The following KEL variants were observed in gnomAD, a reference collection of about 807,000 sequenced individuals.
The protein encoded by KEL is kell blood group glycoprotein.
A neutral mutation model predicts 99.5 loss-of-function variants in KEL; 96 were observed. That is an observed-to-expected ratio of 0.97 (90% CI 0.82 to 1.14). KEL has a LOEUF of 1.14. Ranked by LOEUF, KEL falls within the 50% of genes most tolerant of loss-of-function variation. The pLI is 0.00. For missense variants in KEL, 926 were observed against 924.2 expected (o/e 1.00, Z -0.03); for synonymous variants, 355 against 354.8 (o/e 1.00, Z -0.01).
At chr7:142,957,020 G>C (rs1315311752) in intron 6 of KEL, among the ~76,000 whole-genome samples, 1 of 152,184 alleles carries the variant, frequency 6.6e-6, no homozygotes, top group East Asian at 1.9e-4. Context: ...GATAGGTCCT[G>C]AGAAACAAAG....
chr7:142,953,727 A>G, intron 9 of KEL, 81 bp downstream of exon 9: 3 of 1,549,994 alleles, frequency 1.9e-6, no homozygotes, highest in East Asian at 4.5e-5. Context: ...GCCTTCCCCA[A>G]GGTTTCCTTT....
chr7:142,944,474 T>G (rs1045068579), intron 12 of KEL, 74 bp from the exon 13 acceptor site: 2 of 1,317,816 alleles, frequency 1.5e-6, no homozygotes, highest in African/African-American at 2.9e-5. Flanking sequence ...CTCGTTGCCC[T>G]GTCCCAGCCT....
chr7:142,944,781 G>A (rs376692598), intron 11 of KEL, 40 bp from the exon 12 acceptor site: 23 of 1,509,906 alleles, frequency 1.5e-5, no homozygotes, highest in Non-Finnish European at 2.1e-5. Context: ...ACAGGATCAG[G>A]AGAGGCCTCA....
Position 142,946,326 on chromosome 7 carries a change from A to C in KEL, c.1204-9T>G. The C allele has an allele frequency of 6.2e-7, 1 of 1,606,436 alleles. No homozygotes were observed. The highest frequency in any genetic ancestry group is 8.5e-7 in the Non-Finnish European group (1 of 1,174,424). On this transcript the variant is annotated splice_polypyrimidine_tract_variant and intron_variant, in intron 10 of 18. Transcript: ENST00000355265. Reference sequence around the variant, plus strand: ...CATCGTGGGCGGGCAGGCTATGGAGACAAAGCTGGAATGAGTGGCTCCTGT... The same window carrying C: ...CATCGTGGGCGGGCAGGCTATGGAGCCAAAGCTGGAATGAGTGGCTCCTGT...
chr7:142,946,343 G>A (rs2116649521), intron 10 of KEL, 26 bp from the exon 11 acceptor site: 1 of 1,552,110 alleles, frequency 6.4e-7, no homozygotes. Flanking sequence ...TGGAATGAGT[G>A]GCTCCTGTTC....
In KEL at chr7:142,962,168, T is replaced by C. The variant is rs867204647; in HGVS notation, c.3+36A>G. On this transcript the variant is annotated intron_variant, in intron 1 of 18. Transcript: ENST00000355265. Reference sequence around the variant, plus strand: ...TTTTGCACACAGCCACCCTCACCCCTCCCCGCTAAGCCTCTGACTCCAAAA... The same window carrying C: ...TTTTGCACACAGCCACCCTCACCCCCCCCCGCTAAGCCTCTGACTCCAAAA... 1.4e-5 allele frequency: 22 copies of C among 1,613,650 alleles called. No homozygotes were observed. The Middle Eastern group carries it at 2.3e-3, about 170-fold the overall frequency.
At position 142,961,439 on chromosome 7, in the gene KEL, C is replaced by A. The variant is rs1350031294; in HGVS notation, c.144G>T (p.Val48=). ...GGCCCAAAATCAGGATAGCTGTCAG[C>A]ACCCGCCTGGCCACTGCCCATGGCC... is the stretch of plus-strand genomic sequence containing the variant. ...GSRPWAVARR[V]LTAILILGLL... is the part of the protein sequence containing the mutation. The change falls in exon 3 of 19, where the codon GTG becomes GTT. Residue 48 remains valine, a synonymous_variant. Coordinates refer to ENST00000355265, the MANE Select transcript of KEL (RefSeq NM_000420.3). 1.2e-6 allele frequency: 2 copies of A among 1,613,170 alleles called. No individual in the cohort carries two copies. The highest frequency in any genetic ancestry group is 2.2e-5 in the East Asian group (1 of 44,852).
chr7:142,956,558 C>T (rs988080634), intron 6 of KEL, among the ~76,000 whole-genome samples: 1 of 152,052 alleles, frequency 6.6e-6, no homozygotes, highest in Non-Finnish European at 1.5e-5. Flanking sequence ...CCTTGCCTCC[C>T]AAATCCTCAA....
rs762391207 is a variant in KEL at position 142,943,323 on chromosome 7, G to A, written c.1724C>T (p.Ala575Val). ...GYPRAVNFGA[A>V]GSIMAHELLH... The stretch of plus-strand genomic sequence containing the variant: ...CAGCTCGTGGGCCATGATGCTGCCA[G>A]CAGCGCCAAAGTTCACGGCTCTAGG... Residue 575 changes from alanine (A) to valine (V), a missense_variant, in exon 16 of 19, where the codon GCT becomes GTT. Ala to Val is a moderately conservative substitution (Grantham distance 64). Transcript: ENST00000355265. 1 of 1,614,124 alleles carries A rather than the reference G, an allele frequency of 6.2e-7. No individual in the cohort carries two copies. The highest frequency in any genetic ancestry group is 8.5e-7 in the Non-Finnish European group (1 of 1,179,996).
In KEL at chr7:142,953,801, G is replaced by A. The variant is rs150812617; in HGVS notation, c.1073+7C>T. On this transcript the variant is annotated splice_region_variant and intron_variant, in intron 9 of 18. Coordinates refer to ENST00000355265, the MANE Select transcript of KEL (RefSeq NM_000420.3). ...CCATGATCTCCCCAATCCCACCTGC[G>A]GCGAACCTCTGCTTTAGCAGCATCT... 2,024 of 1,613,892 alleles carry A rather than the reference G, an allele frequency of 1.3e-3. 34 individuals carry two copies. In the South Asian group the frequency reaches 0.017, roughly 14 times the overall value.
chr7:142,956,649 G>A (rs1005019120), intron 6 of KEL, among the ~76,000 whole-genome samples: 2 of 151,770 alleles, frequency 1.3e-5, no homozygotes, highest in African/African-American at 2.4e-5. Flanking sequence ...CATTTCCAAC[G>A]CCCCATAGCT....
In KEL at chr7:142,943,814, G is replaced by C; in HGVS notation, c.1561C>G (p.Gln521Glu). The C allele has an allele frequency of 6.2e-7, 1 of 1,614,160 alleles. No homozygotes were observed. Among genetic ancestry groups the C allele is most frequent in the Non-Finnish European group, 8.5e-7 (1 of 1,179,990 alleles). The change falls in exon 14 of 19, where the codon CAG (glutamine) becomes GAG (glutamate). Residue 521 changes from glutamine to glutamate, a missense_variant. Coordinates refer to ENST00000355265, the MANE Select transcript of KEL (RefSeq NM_000420.3). Reference protein sequence around the residue: ...CVRSLRARIVQSFLQPHPQHR... With the variant: ...CVRSLRARIVESFLQPHPQHR... ...TGGGGGTGAGGCTGCAAGAAGCTCT[G>C]GACAATTCTAGCTCGGAGGGACCGG...
chr7:142,947,812 C>T (rs780592122), intron 10 of KEL, among the ~76,000 whole-genome samples: 1 of 152,182 alleles, frequency 6.6e-6, no homozygotes, highest in Non-Finnish European at 1.5e-5. Context: ...CAAGAGCCAC[C>T]GCACCTGGCC....
chr7:142,962,149 A>G (rs200296359), intron 1 of KEL, 55 bp downstream of exon 1: 592 of 1,613,680 alleles, frequency 3.7e-4, no homozygotes, highest in Non-Finnish European at 4.6e-4. Flanking sequence ...GGACTTTTGC[A>G]CACAGCCACC....
At chr7:142,958,108 A>G in intron 5 of KEL, 135 bp from the exon 6 acceptor site, 1 of 1,298,578 alleles carries the variant, frequency 7.7e-7, no homozygotes, top group South Asian at 1.3e-5. Context: ...AGCCACATCT[A>G]TCCTTTTTTA....
Position 142,962,338 on chromosome 7 carries a change from C to A in KEL, c.-132G>T. 1 of 1,045,186 alleles carries A rather than the reference C, an allele frequency of 9.6e-7. No homozygotes were observed. Among genetic ancestry groups the A allele is most frequent in the Non-Finnish European group, 1.5e-6 (1 of 672,734 alleles). 64.7% of individuals were successfully genotyped at this position (1,045,186 alleles called of 1,614,324 possible). On this transcript the variant is annotated 5_prime_UTR_variant, in exon 1 of 19. Transcript: ENST00000355265. ...AGAAGGGGCACTTCTGCTGCTCTTT[C>A]GCCTTGTCCCCAGACACACAGGACT...
intron 6 of KEL, among the ~76,000 whole-genome samples, chr7:142,955,084 C>T (rs1227787846): frequency 1.3e-5 from 2 of 152,116 alleles, no homozygotes; most frequent in Admixed American, 6.5e-5. Context: ...ATACTGCCTG[C>T]CTGCATTGTT....
intron 10 of KEL, among the ~76,000 whole-genome samples, chr7:142,947,219 A>T (rs185832835): frequency 2.8e-4 from 43 of 152,314 alleles, no homozygotes; most frequent in African/African-American, 9.6e-4. Context: ...GGAACTGATA[A>T]ATACCAGCTA....
At chr7:142,956,028 T>C (rs1796822171) in intron 6 of KEL, among the ~76,000 whole-genome samples, 1 of 152,142 alleles carries the variant, frequency 6.6e-6, no homozygotes, top group Non-Finnish European at 1.5e-5. Flanking sequence ...CTTCCCTGGC[T>C]CCCTTCTGCC....
Sources: allele counts gnomAD v4.1 joint callset (sites outside exome capture counted in the v4.1 genomes callset), GRCh38; gene constraint gnomAD v4.1.1; transcripts MANE v1.5; gene names NCBI Gene and HGNC (gene_info 2026-07-23, HGNC 2026-07-21).